ADARB1: variants seen among roughly 807,000 people sequenced by gnomAD.
ADARB1 encodes the protein double-stranded RNA-specific editase 1.
ADARB1 carries 10 observed loss-of-function variants against 52.4 expected under a neutral mutation model. That is an observed-to-expected ratio of 0.19 (90% CI 0.12 to 0.32). ADARB1 has a LOEUF of 0.32. ADARB1 is among the 10% of genes least tolerant of loss of function. ADARB1 has a pLI of 1.00. For synonymous variants in ADARB1, 349 were observed against 371.1 expected (o/e 0.94, Z 0.68); for missense variants, 643 against 922.3 (o/e 0.70, Z 3.92).
At chr21:45,096,527 T>C (rs2086768191) in intron 1 of ADARB1, among the ~76,000 whole-genome samples, 1 of 152,130 alleles carries the variant, frequency 6.6e-6, no homozygotes, top group African/African-American at 2.4e-5. Context: ...CATCATCCAC[T>C]CTCCTTTCCC....
At chr21:45,079,211 G>A (rs1469388577) in intron 1 of ADARB1, among the ~76,000 whole-genome samples, 2 of 152,128 alleles carry the variant, frequency 1.3e-5, no homozygotes, top group Admixed American at 1.3e-4. Flanking sequence ...CATTTCTTAT[G>A]CTGCTAACAA....
chr21:45,177,286 C>G lies in ADARB1; in HGVS notation c.963+622C>G, dbSNP rs192697406. 2.7e-3 allele frequency: 417 copies of G among 152,928 alleles called. 1 individual carries two copies. The highest frequency in any genetic ancestry group is 0.011 in the Admixed American group (172 of 15,368). 9.5% of individuals were successfully genotyped at this position (152,928 alleles called of 1,614,324 possible). A position where few individuals can be genotyped will look rare whatever the true frequency, so the allele number is the denominator to read the frequency against. ...GAGGGAGGGGCCTCCAACAACTGTT[C>G]TAGGGCCTGCCAGTTGCCTGGGAGT... On this transcript the variant is annotated intron_variant, in intron 4 of 10. Coordinates refer to ENST00000348831, the MANE Select transcript of ADARB1 (RefSeq NM_001112.4).
At chr21:45,077,481 CG>C (rs1253072012) in intron 1 of ADARB1, among the ~76,000 whole-genome samples, 1 of 151,942 alleles carries the variant, frequency 6.6e-6, no homozygotes, top group Non-Finnish European at 1.5e-5. Context: ...CTTGCTAACA[CG>C]GTGAAAACCC....
intron 8 of ADARB1, among the ~76,000 whole-genome samples, chr21:45,202,863 G>GCA (rs2092586740): frequency 2.0e-5 from 3 of 149,526 alleles, no homozygotes; most frequent in Admixed American, 6.7e-5. Context: ...CCTGCAGCCT[G>GCA]TGCCACACTG....
In ADARB1 at chr21:45,225,527, C is replaced by T; in HGVS notation, c.*3330C>T. ...CACTTTCTTTGTGAAGACAGTGTCT[C>T]TCCTTGTAATCTCACACAGGTACAC... On this transcript the variant is annotated 3_prime_UTR_variant, in exon 11 of 11. Transcript: ENST00000348831. 1 of 1,331,074 alleles carries T rather than the reference C, an allele frequency of 7.5e-7. No homozygotes were observed. Among genetic ancestry groups the T allele is most frequent in the Non-Finnish European group, 9.7e-7 (1 of 1,029,482 alleles). 82.5% of individuals were successfully genotyped at this position (1,331,074 alleles called of 1,614,324 possible). A position where few individuals can be genotyped will look rare whatever the true frequency, so the allele number is the denominator to read the frequency against.
chr21:45,109,290 G>A (rs565248748), intron 1 of ADARB1, among the ~76,000 whole-genome samples: 49 of 150,718 alleles, frequency 3.3e-4, no homozygotes, highest in African/African-American at 1.1e-3. Flanking sequence ...GCGCGCTTGT[G>A]CATATATGTG....
intron 1 of ADARB1, among the ~76,000 whole-genome samples, chr21:45,127,559 C>T (rs1458159772): frequency 6.6e-6 from 1 of 152,146 alleles, no homozygotes; most frequent in Admixed American, 6.5e-5. Context: ...CCTCCAATCT[C>T]CTCTGAGGAC....
At chr21:45,111,659 C>T (rs1271079887) in intron 1 of ADARB1, among the ~76,000 whole-genome samples, 1 of 152,124 alleles carries the variant, frequency 6.6e-6, no homozygotes, top group Non-Finnish European at 1.5e-5. Flanking sequence ...TGTGTGTTTT[C>T]TTTTGTTCAG....
chr21:45,109,394 G>GT (rs1472268860), intron 1 of ADARB1, among the ~76,000 whole-genome samples: 1 of 152,252 alleles, frequency 6.6e-6, no homozygotes, highest in African/African-American at 2.4e-5. Context: ...GAATGCTTTC[G>GT]TTTAACGAGT....
At chr21:45,198,209 A>G (rs1444427870) in intron 8 of ADARB1, among the ~76,000 whole-genome samples, 1 of 152,240 alleles carries the variant, frequency 6.6e-6, no homozygotes, top group Non-Finnish European at 1.5e-5. Flanking sequence ...AGCAGTAACA[A>G]AGCCTCTAAG....
intron 9 of ADARB1, among the ~76,000 whole-genome samples, chr21:45,218,389 T>C (rs1334468167): frequency 6.6e-6 from 1 of 152,242 alleles, no homozygotes; most frequent in African/African-American, 2.4e-5. Flanking sequence ...AAATTTGGCT[T>C]AGGCCTTTTT....
chr21:45,169,710 CA>C (rs1447767637), intron 2 of ADARB1, among the ~76,000 whole-genome samples: 1 of 152,230 alleles, frequency 6.6e-6, no homozygotes, highest in Non-Finnish European at 1.5e-5. Flanking sequence ...CCAATAAGAA[CA>C]GAGCTATTTG....
chr21:45,188,398 C>A (rs2092177536), intron 8 of ADARB1, among the ~76,000 whole-genome samples: 1 of 152,140 alleles, frequency 6.6e-6, no homozygotes, highest in Non-Finnish European at 1.5e-5. Flanking sequence ...TGAGCCACTG[C>A]CCCCAGCCAT....
At chr21:45,116,172 G>A (rs2087812083) in intron 1 of ADARB1, among the ~76,000 whole-genome samples, 1 of 152,222 alleles carries the variant, frequency 6.6e-6, no homozygotes. Context: ...TACAGTGGCA[G>A]GAACAGCTGC....
chr21:45,209,934 G>A (rs569274574), intron 9 of ADARB1, among the ~76,000 whole-genome samples: 1 of 152,314 alleles, frequency 6.6e-6, no homozygotes, highest in Non-Finnish European at 1.5e-5. Flanking sequence ...CTCATCTGAT[G>A]TGCTTTTTTG....
chr21:45,119,088 C>T (rs906627432), intron 1 of ADARB1, among the ~76,000 whole-genome samples: 1 of 152,008 alleles, frequency 6.6e-6, no homozygotes, highest in Non-Finnish European at 1.5e-5. Flanking sequence ...AATTAAAAGC[C>T]CTTTTAATTA....
chr21:45,131,311 T>G lies in ADARB1; in HGVS notation c.-48+2738T>G, dbSNP rs139206253. ...AATAGAGCTGAGTGGCATTACTTTC[T>G]GAAATGGTCAAACCTGAAGGAAGCA... On this transcript the variant is annotated intron_variant, in intron 2 of 10. Coordinates refer to ENST00000348831, the MANE Select transcript of ADARB1 (RefSeq NM_001112.4). Among the ~76,000 whole-genome samples the G allele has an allele frequency of 3.2e-3, 480 of 152,344 alleles. 4 individuals carry two copies. Among genetic ancestry groups the G allele is most frequent in the Middle Eastern group, 0.014 (4 of 294 alleles).
In ADARB1 at chr21:45,176,781, C is replaced by G. The variant is rs1434411445; in HGVS notation, c.963+117C>G. 2 of 1,164,736 alleles carry G rather than the reference C, an allele frequency of 1.7e-6. No homozygotes were observed. Among genetic ancestry groups the G allele is most frequent in the African/African-American group, 3.1e-5 (2 of 64,248 alleles). The allele number at this position is 1,164,736 out of a possible 1,614,324, so 72.2% of individuals were successfully genotyped here. A position where few individuals can be genotyped will look rare whatever the true frequency, so the allele number is the denominator to read the frequency against. ...TTCCACCTTGACATCACTCTGTCCC[C>G]ACCAGGAGGAGTTACTGGTAAGTCT... On this transcript the variant is annotated intron_variant, in intron 4 of 10. Transcript: ENST00000348831. This position sits in a 1 kb window ranked among gnomAD's most constrained non-coding sequence, Gnocchi z 5.8.
rs2092530368 is a variant in ADARB1, at chr21:45,200,535, T to C, written c.1566-4020T>C. ...GGCTATGGCAAGGGGGCCAGAGCACTGTGTTGGGCAGACTCAAAGGCACGC... is the reference window on the plus strand; with the variant it reads ...GGCTATGGCAAGGGGGCCAGAGCACCGTGTTGGGCAGACTCAAAGGCACGC... On this transcript the variant is annotated intron_variant, in intron 8 of 10. Transcript: ENST00000348831. The surrounding 1 kb of genome is among the most constrained non-coding windows in gnomAD (Gnocchi z 5.0). 6.6e-6 allele frequency among the ~76,000 whole-genome samples: 1 copy of C among 152,000 alleles called. No homozygotes were observed. The highest frequency in any genetic ancestry group is 2.4e-5 in the African/African-American group (1 of 41,378).
Sources: gnomAD v4.1 joint callset for allele counts (sites outside exome capture counted in the v4.1 genomes callset) on GRCh38, gnomAD v4.1.1 for gene constraint, Gnocchi (gnomAD v3.1) non-coding constraint, MANE v1.5 for transcripts, NCBI Gene and HGNC (gene_info 2026-07-23, HGNC 2026-07-21) for gene names.